The following THSD7B variants were observed in gnomAD, a reference collection of about 807,000 sequenced individuals.
THSD7B encodes thrombospondin type 1 domain containing 7B.
A neutral mutation model predicts 213.6 loss-of-function variants in THSD7B; 138 were observed. That is an observed-to-expected ratio of 0.65 (90% CI 0.56 to 0.74). The LOEUF (loss-of-function observed/expected upper bound fraction) is 0.74, where lower values mean the gene tolerates loss of function less well. Ranked by LOEUF, THSD7B falls within the 30% of genes least tolerant of loss-of-function variation. THSD7B has a pLI of 0.00. For missense variants in THSD7B, 1,931 were observed against 1,991.5 expected (o/e 0.97, Z 0.58); for synonymous variants, 742 against 687.0 (o/e 1.08, Z -1.25).
intron 7 of THSD7B, among the ~76,000 whole-genome samples, chr2:137,173,217 C>T (rs755161734): frequency 2.6e-5 from 4 of 152,064 alleles, no homozygotes; most frequent in Non-Finnish European, 4.4e-5. Context: ...TTATTCTACC[C>T]GGTCCTGAAG....
chr2:137,635,402 C>G (rs994732428), intron 20 of THSD7B, among the ~76,000 whole-genome samples: 1 of 152,178 alleles, frequency 6.6e-6, no homozygotes, highest in Non-Finnish European at 1.5e-5. Flanking sequence ...AATTCTTCCC[C>G]TCTGACTTTG....
intron 4 of THSD7B, among the ~76,000 whole-genome samples, chr2:137,104,074 T>G (rs1037766210): frequency 1.3e-5 from 2 of 151,844 alleles, no homozygotes; most frequent in African/African-American, 4.9e-5. Context: ...ATCAACAGAA[T>G]ATACATTCTT....
At chr2:136,939,221 CA>C (rs1684779718) in intron 2 of THSD7B, among the ~76,000 whole-genome samples, 1 of 152,098 alleles carries the variant, frequency 6.6e-6, no homozygotes, top group Non-Finnish European at 1.5e-5. Flanking sequence ...TAAGTGTAAC[CA>C]ATCATCATGT....
At chr2:136,775,173 T>C (rs1423414274) in intron 1 of THSD7B, among the ~76,000 whole-genome samples, 3 of 152,160 alleles carry the variant, frequency 2.0e-5, no homozygotes, top group African/African-American at 7.2e-5. Flanking sequence ...TTACTCATTT[T>C]TGGATCGTTG....
At chr2:137,203,759 GA>G (rs1305374014) in intron 7 of THSD7B, among the ~76,000 whole-genome samples, 1 of 151,874 alleles carries the variant, frequency 6.6e-6, no homozygotes, top group Non-Finnish European at 1.5e-5. Context: ...TTTAACTTCA[GA>G]AAATAGAATA....
At chr2:137,221,649 G>A (rs1681373942) in intron 7 of THSD7B, among the ~76,000 whole-genome samples, 1 of 152,070 alleles carries the variant, frequency 6.6e-6, no homozygotes, top group Admixed American at 6.5e-5. Context: ...AATATTTTTG[G>A]GGTGTTATTT....
At chr2:137,369,864 ATCTT>A (rs1465243250) in intron 12 of THSD7B, among the ~76,000 whole-genome samples, 2 of 152,180 alleles carry the variant, frequency 1.3e-5, no homozygotes, top group Non-Finnish European at 2.9e-5. Context: ...AGGACTGGGT[ATCTT>A]TCTTGTATTT....
intron 2 of THSD7B, among the ~76,000 whole-genome samples, chr2:136,898,579 G>GCTCC (rs1684006093): frequency 8.6e-6 from 1 of 116,584 alleles, no homozygotes; most frequent in African/African-American, 3.1e-5. Context: ...TTGTCCCCCC[G>GCTCC]CCCCCCCGCC....
At chr2:136,857,802 A>G (rs1683199163) in intron 1 of THSD7B, among the ~76,000 whole-genome samples, 2 of 152,208 alleles carry the variant, frequency 1.3e-5, no homozygotes, top group Admixed American at 1.3e-4. Flanking sequence ...TTTGAGGAAC[A>G]AAGAGTGTTC....
intron 9 of THSD7B, among the ~76,000 whole-genome samples, chr2:137,241,561 T>C (rs1025008286): frequency 6.6e-6 from 1 of 152,208 alleles, no homozygotes; most frequent in Non-Finnish European, 1.5e-5. Context: ...ATATTTGTTA[T>C]TAACAGGCTG....
rs187448750 is a variant in THSD7B, at chr2:137,316,582, T to C, written c.2500+40556T>C. Among the ~76,000 whole-genome samples, 55 of 151,902 alleles carry C rather than the reference T, an allele frequency of 3.6e-4. No homozygotes were observed. In the East Asian group the frequency reaches 9.9e-3, roughly 27 times the overall value. Reference sequence around the variant, plus strand: ...CGAGGTCAAGAGATCGAGACCACAGTGAAACCCTGTCTCTATAAAAATACA... The same window carrying C: ...CGAGGTCAAGAGATCGAGACCACAGCGAAACCCTGTCTCTATAAAAATACA... On this transcript the variant is annotated intron_variant, in intron 12 of 27. Coordinates refer to ENST00000409968, the MANE Select transcript of THSD7B (RefSeq NM_001316349.2).
At position 137,616,268 on chromosome 2, in the gene THSD7B, C is replaced by A; in HGVS notation, c.3517C>A (p.Pro1173Thr). The A allele has an allele frequency of 6.2e-7, 1 of 1,613,732 alleles. No individual in the cohort carries two copies. The highest frequency in any genetic ancestry group is 8.5e-7 in the Non-Finnish European group (1 of 1,179,702). The change falls in exon 18 of 28, where the codon CCT becomes ACT. Residue 1173 changes from proline to threonine, a missense_variant. Pro to Thr is a conservative substitution (Grantham distance 38). Transcript: ENST00000409968. Reference sequence around the variant, plus strand: ...TTGTGCTGAAGACTCACAGGTGCAGCCTTGCCTCCTGAATGAAAATTGCTT... The same window carrying A: ...TTGTGCTGAAGACTCACAGGTGCAGACTTGCCTCCTGAATGAAAATTGCTT... The part of the protein sequence containing the change: ...RTCAEDSQVQ[P>T]CLLNENCFQF...
At chr2:137,388,925 C>T (rs148756004) in intron 12 of THSD7B, among the ~76,000 whole-genome samples, 142 of 152,012 alleles carry the variant, frequency 9.3e-4, no homozygotes, top group Middle Eastern at 3.4e-3. Context: ...CATTGATGTA[C>T]TTATGTTGAT....
At chr2:137,440,872 A>G (rs1183880197) in intron 14 of THSD7B, among the ~76,000 whole-genome samples, 1 of 152,110 alleles carries the variant, frequency 6.6e-6, no homozygotes, top group Non-Finnish European at 1.5e-5. Flanking sequence ...TTTTCTTCTA[A>G]GCTTATATGT....
chr2:137,655,612 C>T lies in THSD7B; in HGVS notation c.4057C>T (p.Pro1353Ser), dbSNP rs779640669. 3.1e-6 allele frequency: 5 copies of T among 1,612,806 alleles called. No individual in the cohort carries two copies. The highest frequency in any genetic ancestry group is 3.3e-5 in the Admixed American group (2 of 59,868). ...CGAGGATGCACTGTGTGGAGAAATGCCCTTTCAGGACAGCATCCTGAAGCA... is the reference window on the plus strand; with the variant it reads ...CGAGGATGCACTGTGTGGAGAAATGTCCTTTCAGGACAGCATCCTGAAGCA... ...RVEDALCGEM[P>S]FQDSILKQLC... Residue 1353 changes from proline (P) to serine (S), a missense_variant, in exon 22 of 28, where the codon CCC becomes TCC. Transcript: ENST00000409968.
At chr2:137,067,874 C>CT (rs1214480470) in intron 3 of THSD7B, among the ~76,000 whole-genome samples, 7 of 152,066 alleles carry the variant, frequency 4.6e-5, no homozygotes, top group African/African-American at 1.7e-4. Flanking sequence ...CTTATCTTCA[C>CT]TGTGAGAACC....
At chr2:137,482,461 G>A (rs372245811) in intron 15 of THSD7B, among the ~76,000 whole-genome samples, 32 of 152,102 alleles carry the variant, frequency 2.1e-4, no homozygotes, top group African/African-American at 7.0e-4. Flanking sequence ...AATGGGTGGC[G>A]CAGGATGAAT....
At position 137,585,432 on chromosome 2, in the gene THSD7B, G is replaced by A. The variant is rs192214172; in HGVS notation, c.3423+12876G>A. ...CTCTAGTCTTTAAATTGTGATGTTA[G>A]GGTGTCAATTTTAGATCTTTCCTGC... On this transcript the variant is annotated intron_variant, in intron 17 of 27. Coordinates refer to ENST00000409968, the MANE Select transcript of THSD7B (RefSeq NM_001316349.2). Among the ~76,000 whole-genome samples, 136 of 152,138 alleles carry A rather than the reference G, an allele frequency of 8.9e-4. 1 individual carries two copies. Among genetic ancestry groups the A allele is most frequent in the African/African-American group, 3.1e-3 (128 of 41,510 alleles).
intron 1 of THSD7B, among the ~76,000 whole-genome samples, chr2:136,800,032 G>A (rs1316246455): frequency 6.6e-6 from 1 of 151,754 alleles, no homozygotes; most frequent in Non-Finnish European, 1.5e-5. Context: ...TTCACTCTAG[G>A]GGGAATAAGA....
Sources: gnomAD v4.1 joint callset for allele counts (sites outside exome capture counted in the v4.1 genomes callset) on GRCh38, gnomAD v4.1.1 for gene constraint, MANE v1.5 for transcripts, NCBI Gene and HGNC (gene_info 2026-07-23, HGNC 2026-07-21) for gene names.